The following INTS9 variants were observed in gnomAD, a reference collection of about 807,000 sequenced individuals.
The protein encoded by INTS9 is protein related to CPSF subunits of 74 kDa.
A neutral mutation model predicts 79.7 loss-of-function variants in INTS9; 55 were observed. That is an observed-to-expected ratio of 0.69 (90% CI 0.56 to 0.86). The LOEUF is 0.86. Among genes scored for constraint, INTS9 ranks in the 40% least tolerant of loss-of-function variants. The pLI, the probability that INTS9 is intolerant of heterozygous loss-of-function variation, is 0.00. For missense variants in INTS9, 721 were observed against 831.5 expected (o/e 0.87, Z 1.64); for synonymous variants, 319 against 325.2 (o/e 0.98, Z 0.20).
chr8:28,782,243 C>T (rs1803311279), intron 11 of INTS9, among the ~76,000 whole-genome samples: 2 of 152,170 alleles, frequency 1.3e-5, no homozygotes, highest in African/African-American at 4.8e-5. Context: ...TTATAAGCTG[C>T]CTGACACTCC....
Position 28,831,746 on chromosome 8 carries a change from T to G in INTS9, c.488+3546A>C, listed in dbSNP as rs144183298. Among the ~76,000 whole-genome samples, 740 of 152,286 alleles carry G rather than the reference T, an allele frequency of 4.9e-3. 2 individuals are homozygous for G. Among genetic ancestry groups the G allele is most frequent in the African/African-American group, 0.017 (706 of 41,572 alleles). On this transcript the variant is annotated intron_variant, in intron 6 of 16. Coordinates refer to ENST00000521022, the MANE Select transcript of INTS9 (RefSeq NM_018250.4). ...CAGAGTCTCGCTCTGTCCCCCAGGC[T>G]GGAGTGCAGTGGCGTGATCTTAGCT...
intron 8 of INTS9, among the ~76,000 whole-genome samples, chr8:28,809,696 G>A (rs1337819394): frequency 6.6e-6 from 1 of 152,096 alleles, no homozygotes; most frequent in African/African-American, 2.4e-5. Context: ...GTCTTTTATG[G>A]AAGAACATAT....
chr8:28,884,981 T>G lies in INTS9; in HGVS notation c.9+4893A>C, dbSNP rs1342419373. Among the ~76,000 whole-genome samples, 4 of 152,228 alleles carry G rather than the reference T, an allele frequency of 2.6e-5. 1 individual carries two copies. The highest frequency in any genetic ancestry group is 4.1e-4 in the South Asian group (2 of 4,832). On this transcript the variant is annotated intron_variant, in intron 1 of 16. Transcript: ENST00000521022. Reference sequence around the variant, plus strand: ...GGTGAGGATTAACCACGCCCCTTTCTAATGATTTCTTAAACTGACCTTGGG... The same window carrying G: ...GGTGAGGATTAACCACGCCCCTTTCGAATGATTTCTTAAACTGACCTTGGG...
At chr8:28,867,073 G>A (rs1808794837) in intron 1 of INTS9, among the ~76,000 whole-genome samples, 1 of 152,188 alleles carries the variant, frequency 6.6e-6, no homozygotes, top group African/African-American at 2.4e-5. Flanking sequence ...GACTGCCTGA[G>A]CTCAGGAGCT....
At chr8:28,781,351 A>G (rs1462695155) in intron 11 of INTS9, among the ~76,000 whole-genome samples, 1 of 152,236 alleles carries the variant, frequency 6.6e-6, no homozygotes, top group East Asian at 1.9e-4. Flanking sequence ...TACACCTGTT[A>G]TAATAAAATG....
intron 3 of INTS9, among the ~76,000 whole-genome samples, chr8:28,848,288 T>A (rs2131246190): frequency 6.6e-6 from 1 of 152,362 alleles, no homozygotes; most frequent in Non-Finnish European, 1.5e-5. Context: ...CAACATATAT[T>A]GTACATATCC....
At chr8:28,826,084 G>A (rs1410808052) in intron 6 of INTS9, among the ~76,000 whole-genome samples, 1 of 152,168 alleles carries the variant, frequency 6.6e-6, no homozygotes, top group Non-Finnish European at 1.5e-5. Flanking sequence ...CACTACAGAT[G>A]ATTTTTGCTA....
At chr8:28,780,645 T>C in intron 12 of INTS9, 178 bp downstream of exon 12, 1 of 985,410 alleles carries the variant, frequency 1.0e-6, no homozygotes, top group Non-Finnish European at 1.2e-6. Flanking sequence ...AGCTGTCCAA[T>C]GGCACACACT....
chr8:28,783,718 A>C (rs1214723426), intron 11 of INTS9: 3 of 152,242 alleles, frequency 2.0e-5, no homozygotes, highest in Non-Finnish European at 2.9e-5. Context: ...GAATATGAAT[A>C]GTAAAGCCGG....
intron 6 of INTS9, among the ~76,000 whole-genome samples, chr8:28,831,557 C>T (rs1219797367): frequency 2.6e-5 from 4 of 152,134 alleles, no homozygotes; most frequent in South Asian, 2.1e-4. Context: ...TCATACTCTC[C>T]GTAATGTAGG....
chr8:28,881,412 C>G (rs1160079033), intron 1 of INTS9, among the ~76,000 whole-genome samples: 1 of 144,166 alleles, frequency 6.9e-6, no homozygotes, highest in South Asian at 2.2e-4. Flanking sequence ...CCAGCCGCCC[C>G]GCCCGGGAGG....
In INTS9 at chr8:28,812,394, A is replaced by T. The variant is rs763168708; in HGVS notation, c.677T>A (p.Ile226Asn). The T allele has an allele frequency of 1.3e-5, 21 of 1,614,072 alleles. No homozygotes were observed. Among genetic ancestry groups the T allele is most frequent in the Non-Finnish European group, 1.4e-5 (16 of 1,179,924 alleles). ...SGYALGSSNW[I>N]IQSHYEKVSY... is the part of the protein sequence containing the mutation. ...CACTTTCTCGTAATGAGACTGGATG[A>T]TCCAGTTGGAGCTCCCAAGGGCATA... is the stretch of plus-strand genomic sequence containing the variant. The change falls in exon 8 of 17, where the codon ATC becomes AAC. Residue 226 changes from isoleucine (I) to asparagine (N), a missense_variant. Ile to Asn is a moderately radical substitution (Grantham distance 149). Coordinates refer to ENST00000521022, the MANE Select transcript of INTS9 (RefSeq NM_018250.4).
At chr8:28,786,655 C>A (rs1443646305) in intron 11 of INTS9, among the ~76,000 whole-genome samples, 2 of 152,134 alleles carry the variant, frequency 1.3e-5, no homozygotes, top group Non-Finnish European at 2.9e-5. Context: ...TCAATGTATA[C>A]TTTAGGAACA....
chr8:28,854,141 C>T (rs912934339), intron 2 of INTS9, among the ~76,000 whole-genome samples: 7 of 152,258 alleles, frequency 4.6e-5, no homozygotes, highest in African/African-American at 9.6e-5. Context: ...CTCAGCCTTC[C>T]GAGCAGCTGG....
intron 1 of INTS9, among the ~76,000 whole-genome samples, chr8:28,860,792 T>G (rs1309731571): frequency 6.6e-6 from 1 of 152,186 alleles, no homozygotes. Flanking sequence ...CTCTCCTGAT[T>G]TAAGCACAAA....
intron 2 of INTS9, among the ~76,000 whole-genome samples, chr8:28,853,879 C>T (rs1181776191): frequency 3.9e-5 from 6 of 151,946 alleles, no homozygotes; most frequent in East Asian, 1.9e-4. Context: ...CCACCACGCT[C>T]GGCTAATTTT....
intron 6 of INTS9, among the ~76,000 whole-genome samples, chr8:28,829,153 ACC>A (rs1806330138): frequency 6.6e-6 from 1 of 152,202 alleles, no homozygotes; most frequent in Admixed American, 6.5e-5. Context: ...TAGATTTCTA[ACC>A]TTATAAAAAA....
intron 4 of INTS9, among the ~76,000 whole-genome samples, chr8:28,841,821 C>T (rs1585453275): frequency 6.6e-6 from 1 of 152,180 alleles, no homozygotes; most frequent in South Asian, 2.1e-4. Context: ...TGTGGTGGCT[C>T]ATGCCTGTAA....
intron 11 of INTS9, among the ~76,000 whole-genome samples, chr8:28,783,343 C>T (rs999564951): frequency 6.6e-6 from 1 of 152,284 alleles, no homozygotes; most frequent in East Asian, 1.9e-4. Context: ...ACTGTGCCTG[C>T]TGCCCAGGCC....
Sources: gnomAD v4.1 joint callset for allele counts (sites outside exome capture counted in the v4.1 genomes callset) on GRCh38, gnomAD v4.1.1 for gene constraint, MANE v1.5 for transcripts, NCBI Gene and HGNC (gene_info 2026-07-23, HGNC 2026-07-21) for gene names.